The following DDR2 variants were observed in gnomAD, a reference collection of about 807,000 sequenced individuals.
DDR2 encodes the protein discoidin domain-containing receptor 2.
In DDR2, 27 loss-of-function variants were observed where a neutral mutation model predicts 94.9. That is an observed-to-expected ratio of 0.28 (90% CI 0.21 to 0.39). The LOEUF is 0.39. DDR2 is among the 10% of genes least tolerant of loss of function. DDR2 has a pLI of 1.00. For missense variants in DDR2, 783 were observed against 1,076.0 expected, an observed-to-expected ratio of 0.73 and a Z score of 3.81; for synonymous variants, 382 against 377.2, an observed-to-expected ratio of 1.01 and a Z score of -0.15.
At chr1:162,689,019 T>A (rs1182094847) in intron 2 of DDR2, among the ~76,000 whole-genome samples, 1 of 152,220 alleles carries the variant, frequency 6.6e-6, no homozygotes, top group Non-Finnish European at 1.5e-5. Context: ...TTGTGTGACT[T>A]AGGTTCTTTA....
intron 2 of DDR2, among the ~76,000 whole-genome samples, chr1:162,705,532 C>A (rs544489580): frequency 1.3e-5 from 2 of 152,314 alleles, no homozygotes; most frequent in African/African-American, 4.8e-5. Context: ...GATCAGGGGG[C>A]AACTCTATTC....
intron 1 of DDR2, among the ~76,000 whole-genome samples, chr1:162,646,667 C>G (rs1295358213): frequency 6.6e-6 from 1 of 152,226 alleles, no homozygotes; most frequent in Admixed American, 6.5e-5. Flanking sequence ...GGAACCAGTG[C>G]TCTACAATTA....
At chr1:162,729,303 T>TACA (rs1558050707) in intron 3 of DDR2, among the ~76,000 whole-genome samples, 1 of 73,430 alleles carries the variant, frequency 1.4e-5, no homozygotes, top group Non-Finnish European at 2.6e-5. Flanking sequence ...TATATATATT[T>TACA]TTTTTTTTTT....
At chr1:162,686,533 C>A (rs1425613772) in intron 2 of DDR2, among the ~76,000 whole-genome samples, 1 of 152,214 alleles carries the variant, frequency 6.6e-6, no homozygotes, top group Non-Finnish European at 1.5e-5. Context: ...CATGCCCCTG[C>A]AAAGGATATG....
chr1:162,682,414 G>A (rs1056463240), intron 2 of DDR2, among the ~76,000 whole-genome samples: 1 of 152,196 alleles, frequency 6.6e-6, no homozygotes, highest in African/African-American at 2.4e-5. Flanking sequence ...TGTCAGGCCA[G>A]GGGCCTGACC....
At chr1:162,648,940 T>C (rs1373291320) in intron 1 of DDR2, among the ~76,000 whole-genome samples, 2 of 152,160 alleles carry the variant, frequency 1.3e-5, no homozygotes, top group African/African-American at 2.4e-5. Context: ...GCAGAGCAGA[T>C]GGCTCTGGAA....
intron 3 of DDR2, among the ~76,000 whole-genome samples, chr1:162,719,896 T>C (rs1334888985): frequency 2.0e-5 from 3 of 152,094 alleles, no homozygotes; most frequent in African/African-American, 4.8e-5. Flanking sequence ...GTGGCACTGA[T>C]GAATGGGGCA....
At chr1:162,755,085 A>G in intron 5 of DDR2, 71 bp from the exon 6 acceptor site, 1 of 1,603,276 alleles carries the variant, frequency 6.2e-7, no homozygotes, top group Non-Finnish European at 8.5e-7. Flanking sequence ...TCCATCAAAA[A>G]CGTGGTGGGG....
At position 162,773,702 on chromosome 1, in the gene DDR2, G is replaced by T. The variant is rs1012888892; in HGVS notation, c.1856+106G>T. 227 of 1,463,232 alleles carry T rather than the reference G, an allele frequency of 1.6e-4. 2 individuals carry two copies. The highest frequency in any genetic ancestry group is 2.1e-4 in the Middle Eastern group (1 of 4,854). The allele number at this position is 1,463,232 out of a possible 1,614,324, so 90.6% of individuals were successfully genotyped here. On this transcript the variant is annotated intron_variant, in intron 14 of 17. Transcript: ENST00000367921. ...TTTTTCTTTTGAGATGGGAAGGTCAGTGAGCTGCCTCCCATTTCCACTGTT... is the reference window on the plus strand; with the variant it reads ...TTTTTCTTTTGAGATGGGAAGGTCATTGAGCTGCCTCCCATTTCCACTGTT...
rs765973930 is a variant in DDR2 at position 162,767,262 on chromosome 1, G to A, written c.1196G>A (p.Arg399Gln). 1.9e-5 allele frequency: 30 copies of A among 1,613,930 alleles called. No homozygotes were observed. The highest frequency in any genetic ancestry group is 1.5e-4 in the Admixed American group (9 of 59,998). Residue 399 changes from arginine to glutamine, a missense_variant, in exon 11 of 18, where the codon CGG becomes CAG. By Grantham distance (43) the Arg-to-Gln change is conservative. Coordinates refer to ENST00000367921, the MANE Select transcript of DDR2 (RefSeq NM_006182.4). ...PMLKVDDSNT[R>Q]ILIGCLVAII... is the part of the protein sequence containing the mutation. ...CTTAAAGTTGATGACAGCAACACTC[G>A]GATCCTGATTGGCTGCTTGGTGGCC...
chr1:162,775,464 C>T (rs1457618177), intron 14 of DDR2, among the ~76,000 whole-genome samples, 188 bp from the exon 15 acceptor site: 1 of 151,998 alleles, frequency 6.6e-6, no homozygotes, highest in African/African-American at 2.4e-5. Flanking sequence ...TGAATAAGGG[C>T]CCATGATATT....
At position 162,746,303 on chromosome 1, in the gene DDR2, G is replaced by A. The variant is rs371819925; in HGVS notation, c.83-6792G>A. Among the ~76,000 whole-genome samples the A allele has an allele frequency of 5.3e-4, 81 of 152,262 alleles. 1 individual carries two copies. Among genetic ancestry groups the A allele is most frequent in the African/African-American group, 1.9e-3 (78 of 41,548 alleles). On this transcript the variant is annotated intron_variant, in intron 3 of 17. Transcript: ENST00000367921. ...CGCTTTTCCAATGGTCTTAGCAAAC[G>A]GCACACCAGGAGATTATATCCTGCG...
At chr1:162,742,203 G>A (rs1033143453) in intron 3 of DDR2, among the ~76,000 whole-genome samples, 1 of 152,224 alleles carries the variant, frequency 6.6e-6, no homozygotes, top group Non-Finnish European at 1.5e-5. Flanking sequence ...ACATTCATAT[G>A]TTCATCTCTT....
chr1:162,760,709 C>T (rs899077286), intron 8 of DDR2, among the ~76,000 whole-genome samples: 1 of 151,828 alleles, frequency 6.6e-6, no homozygotes, highest in Non-Finnish European at 1.5e-5. Flanking sequence ...CTTATAAAAC[C>T]TGGGCTGCAA....
At chr1:162,646,978 C>G (rs1172829514) in intron 1 of DDR2, among the ~76,000 whole-genome samples, 1 of 152,134 alleles carries the variant, frequency 6.6e-6, no homozygotes, top group African/African-American at 2.4e-5. Context: ...GACTCACTCA[C>G]TAAATGCTTG....
At chr1:162,765,517 G>A (rs1047248798) in intron 9 of DDR2, among the ~76,000 whole-genome samples, 1 of 152,076 alleles carries the variant, frequency 6.6e-6, no homozygotes, top group Non-Finnish European at 1.5e-5. Context: ...TCCAATGTCA[G>A]TAAATATCTA....
intron 2 of DDR2, among the ~76,000 whole-genome samples, chr1:162,687,449 G>T (rs1659738653): frequency 6.6e-6 from 1 of 152,110 alleles, no homozygotes; most frequent in Non-Finnish European, 1.5e-5. Context: ...AAGTGACCAT[G>T]GCAGATTAGG....
chr1:162,717,762 T>C (rs550911972), intron 2 of DDR2, among the ~76,000 whole-genome samples: 42 of 152,324 alleles, frequency 2.8e-4, no homozygotes, highest in African/African-American at 9.9e-4. Context: ...AGTGTCATTT[T>C]CATCACATCA....
intron 2 of DDR2, among the ~76,000 whole-genome samples, chr1:162,657,841 A>C (rs1361586632): frequency 5.0e-4 from 63 of 127,252 alleles, no homozygotes; most frequent in Admixed American, 7.3e-4. Flanking sequence ...TCCCCTCCCC[A>C]CTCCCCAGTC....
Sources: allele counts gnomAD v4.1 joint callset (sites outside exome capture counted in the v4.1 genomes callset), GRCh38; gene constraint gnomAD v4.1.1; transcripts MANE v1.5; gene names NCBI Gene and HGNC (gene_info 2026-07-23, HGNC 2026-07-21).